Variants in TBC1D4 observed in about 807,000 individuals in gnomAD.
TBC1D4 encodes TBC (Tre-2, BUB2, CDC16) domain-containing protein.
Under a neutral mutation model 142.5 loss-of-function variants are expected in TBC1D4, and 121 were observed. That is an observed-to-expected ratio of 0.85 (90% CI 0.73 to 0.99). The LOEUF (loss-of-function observed/expected upper bound fraction) is 0.99, where lower values mean the gene tolerates loss of function less well. Ranked by LOEUF, TBC1D4 falls within the 50% of genes least tolerant of loss-of-function variation. TBC1D4 has a pLI of 0.00. For synonymous variants in TBC1D4, 630 were observed against 628.2 expected (o/e 1.00, Z -0.04); for missense variants, 1,475 against 1,606.6 (o/e 0.92, Z 1.40).
intron 1 of TBC1D4, among the ~76,000 whole-genome samples, chr13:75,398,267 G>A (rs536121960): frequency 2.0e-5 from 3 of 152,280 alleles, no homozygotes; most frequent in African/African-American, 4.8e-5. Flanking sequence ...GGTTTGTTAC[G>A]CAATGAACAA....
chr13:75,362,610 G>C lies in TBC1D4; in HGVS notation c.499-3C>G. On this transcript the variant is annotated splice_polypyrimidine_tract_variant and splice_region_variant and intron_variant, in intron 1 of 20. Transcript: ENST00000377636. This position sits in a 1 kb window ranked among gnomAD's most constrained non-coding sequence, Gnocchi z 4.2. The stretch of plus-strand genomic sequence containing the variant: ...ATGCTGCTAATAACATCAGGAACCT[G>C]GGGGAAAAAATTAAAACCCTGATTC... The C allele has an allele frequency of 6.2e-7, 1 of 1,613,436 alleles. No homozygotes were observed. Among genetic ancestry groups the C allele is most frequent in the Non-Finnish European group, 8.5e-7 (1 of 1,179,830 alleles).
chr13:75,372,789 G>A (rs1159389958), intron 1 of TBC1D4, among the ~76,000 whole-genome samples: 1 of 152,114 alleles, frequency 6.6e-6, no homozygotes, highest in African/African-American at 2.4e-5. Flanking sequence ...AATTTTAGCT[G>A]ATTAGACAAG....
chr13:75,475,819 G>A (rs932137932), intron 1 of TBC1D4, among the ~76,000 whole-genome samples: 12 of 152,208 alleles, frequency 7.9e-5, no homozygotes, highest in Middle Eastern at 3.4e-3. Context: ...TATGGGTTGC[G>A]TATCACTTAT....
At chr13:75,393,118 C>CAT (rs763607660) in intron 1 of TBC1D4, among the ~76,000 whole-genome samples, 1 of 68,802 alleles carries the variant, frequency 1.5e-5, no homozygotes, top group Non-Finnish European at 3.1e-5. Flanking sequence ...AATTAAAATA[C>CAT]ACACACACAC....
chr13:75,299,227 A>T, intron 17 of TBC1D4, 103 bp downstream of exon 17: 1 of 1,577,956 alleles, frequency 6.3e-7, no homozygotes, highest in Non-Finnish European at 8.6e-7. Flanking sequence ...GTTCTAAGAC[A>T]ATGGCTCTAC....
rs1038270157 is a variant in TBC1D4, at chr13:75,379,757, C to A, written c.499-17150G>T. On this transcript the variant is annotated intron_variant, in intron 1 of 20. Transcript: ENST00000377636. Reference sequence around the variant, plus strand: ...GTCTCAAAGAGAGCCCTTTCACTCTCCTGGGTCAGCTAAAACTCCCAGTTT... The same window carrying A: ...GTCTCAAAGAGAGCCCTTTCACTCTACTGGGTCAGCTAAAACTCCCAGTTT... Among the ~76,000 whole-genome samples the A allele has an allele frequency of 2.0e-5, 3 of 152,160 alleles. No individual in the cohort carries two copies. In the South Asian group the frequency reaches 6.2e-4, roughly 32 times the overall value.
At chr13:75,436,017 G>A (rs1886786072) in intron 1 of TBC1D4, among the ~76,000 whole-genome samples, 1 of 152,150 alleles carries the variant, frequency 6.6e-6, no homozygotes, top group Non-Finnish European at 1.5e-5. Context: ...ATGTTGAATT[G>A]TAGCTCCCAT....
At chr13:75,346,665 T>C (rs1212981053) in intron 5 of TBC1D4, among the ~76,000 whole-genome samples, 6 of 152,176 alleles carry the variant, frequency 3.9e-5, no homozygotes, top group Non-Finnish European at 8.8e-5. Context: ...ATATACCCAG[T>C]AATGGGATTG....
chr13:75,311,080 CCATAATCA>C (rs1212903537), intron 13 of TBC1D4, among the ~76,000 whole-genome samples: 1 of 152,198 alleles, frequency 6.6e-6, no homozygotes, highest in East Asian at 1.9e-4. Flanking sequence ...CTATTAACAA[CCATAATCA>C]CATCTCTTAA....
At chr13:75,310,878 C>T (rs1045002821) in intron 13 of TBC1D4, among the ~76,000 whole-genome samples, 12 of 152,216 alleles carry the variant, frequency 7.9e-5, no homozygotes, top group African/African-American at 2.2e-4. Context: ...GTTTAGATCC[C>T]GCTTATAAGT....
intron 1 of TBC1D4, among the ~76,000 whole-genome samples, chr13:75,457,959 G>A (rs966952018): frequency 5.3e-5 from 8 of 152,170 alleles, no homozygotes; most frequent in African/African-American, 1.4e-4. Context: ...CAGGGTAAGC[G>A]CTTTTGGTCT....
At position 75,362,042 on chromosome 13, in the gene TBC1D4, C is replaced by T. The variant is rs1172780811; in HGVS notation, c.1064G>A (p.Arg355Lys). Residue 355 changes from arginine to lysine, a missense_variant, in exon 2 of 21, where the codon AGG becomes AAG. Arg to Lys is a conservative substitution (Grantham distance 26, BLOSUM62 2). This residue lies in a region of TBC1D4 where 1,227 missense variants were observed against 1,267.7 expected (regional missense o/e 0.97). Transcript: ENST00000377636. This position sits in a 1 kb window ranked among gnomAD's most constrained non-coding sequence, Gnocchi z 4.2. ...CAGGTGTACCTGGAAGAGCATGGTC[C>T]TGTTCTTCTCCGAGTCCGAGGGCTG... ...HVQPSDSEKN[R>K]TMLFQVGRFE... The T allele has an allele frequency of 3.1e-6, 5 of 1,614,030 alleles. No individual in the cohort carries two copies. The highest frequency in any genetic ancestry group is 4.5e-5 in the East Asian group (2 of 44,880).
Position 75,327,825 on chromosome 13 carries a change from C to A in TBC1D4, c.1733G>T (p.Gly578Val). The A allele has an allele frequency of 1.2e-6, 2 of 1,613,842 alleles. No homozygotes were observed. Among genetic ancestry groups the A allele is most frequent in the Non-Finnish European group, 1.7e-6 (2 of 1,179,838 alleles). Residue 578 changes from glycine to valine, a missense_variant and splice_region_variant, in exon 9 of 21, where the codon GGA becomes GTA. Coordinates refer to ENST00000377636, the MANE Select transcript of TBC1D4 (RefSeq NM_014832.5). ...TSSLENIFSR[G>V]ANRMRGRLGS... ...AAGCCGACCTCTCATTCTGTTAGCTCCCTGAGTGAAAAGAATAAAATTAAG... is the reference window on the plus strand; with the variant it reads ...AAGCCGACCTCTCATTCTGTTAGCTACCTGAGTGAAAAGAATAAAATTAAG...
chr13:75,315,982 T>G (rs569998873), intron 12 of TBC1D4, among the ~76,000 whole-genome samples: 1 of 152,212 alleles, frequency 6.6e-6, no homozygotes, highest in Non-Finnish European at 1.5e-5. Context: ...CTTTGAAAGC[T>G]AAATGAAATA....
chr13:75,324,055 T>C (rs1199628546), intron 11 of TBC1D4, among the ~76,000 whole-genome samples, 182 bp downstream of exon 11: 1 of 152,190 alleles, frequency 6.6e-6, no homozygotes, highest in African/African-American at 2.4e-5. Flanking sequence ...AAACTACTGG[T>C]TGAAAAAGTT....
chr13:75,465,675 T>C (rs989702771), intron 1 of TBC1D4, among the ~76,000 whole-genome samples: 2 of 152,082 alleles, frequency 1.3e-5, no homozygotes, highest in African/African-American at 4.8e-5. Context: ...ATGCCATGAT[T>C]GGGTTGGGGG....
intron 1 of TBC1D4, among the ~76,000 whole-genome samples, chr13:75,468,640 A>G (rs2031506): frequency 0.7 from 106,285 of 152,108 alleles, 37,808 homozygotes; most frequent in East Asian, 0.97. Flanking sequence ...CTCTAAATTT[A>G]TAAGTAGCCA....
At chr13:75,368,583 T>C (rs1883052785) in intron 1 of TBC1D4, among the ~76,000 whole-genome samples, 1 of 152,202 alleles carries the variant, frequency 6.6e-6, no homozygotes, top group South Asian at 2.1e-4. Flanking sequence ...TACTAAGTTC[T>C]CTCCTCTCAT....
chr13:75,429,613 A>G (rs1027956909), intron 1 of TBC1D4, among the ~76,000 whole-genome samples: 1 of 152,140 alleles, frequency 6.6e-6, no homozygotes, highest in Non-Finnish European at 1.5e-5. Flanking sequence ...GATAAAATAA[A>G]AGGTTTTAAT....
Sources: allele counts gnomAD v4.1 joint callset (sites outside exome capture counted in the v4.1 genomes callset), GRCh38; gene constraint gnomAD v4.1.1; regional missense constraint gnomAD v4.1.1; non-coding constraint Gnocchi (gnomAD v3.1); transcripts MANE v1.5; gene names NCBI Gene and HGNC (gene_info 2026-07-23, HGNC 2026-07-21).